Variants in ATP8B1 observed in about 807,000 individuals in gnomAD.
The protein encoded by ATP8B1 is phospholipid-transporting ATPase IC.
ATP8B1 carries 80 observed loss-of-function variants against 149.9 expected under a neutral mutation model. That is an observed-to-expected ratio of 0.53 (90% confidence interval 0.45 to 0.64). The LOEUF (loss-of-function observed/expected upper bound fraction) is 0.64, where lower values mean the gene tolerates loss of function less well. Ranked by LOEUF, ATP8B1 falls within the 30% of genes least tolerant of loss-of-function variation. ATP8B1 has a pLI of 0.00. For synonymous variants in ATP8B1, 536 were observed against 562.8 expected (o/e 0.95, Z 0.67); for missense variants, 1,247 against 1,552.6 (o/e 0.80, Z 3.31).
At chr18:57,725,251 T>TTA (rs141319829) in intron 2 of ATP8B1, among the ~76,000 whole-genome samples, 1 of 144,678 alleles carries the variant, frequency 6.9e-6, no homozygotes, top group Non-Finnish European at 1.5e-5. Flanking sequence ...TAAAGTATAA[T>TTA]AAAAAAAAAA....
chr18:57,723,193 C>G (rs1314901036), intron 2 of ATP8B1, among the ~76,000 whole-genome samples: 5 of 145,960 alleles, frequency 3.4e-5, no homozygotes. Context: ...TGGCACAAGT[C>G]AGGGATGCCC....
intron 13 of ATP8B1, among the ~76,000 whole-genome samples, chr18:57,685,945 A>G (rs947907989): frequency 6.6e-6 from 1 of 150,502 alleles, no homozygotes; most frequent in Non-Finnish European, 1.5e-5. Flanking sequence ...AAACAAAAAC[A>G]AAACCAAAAA....
chr18:57,766,789 T>C (rs2080214920), intron 1 of ATP8B1, among the ~76,000 whole-genome samples: 1 of 152,184 alleles, frequency 6.6e-6, no homozygotes, highest in Admixed American at 6.5e-5. Context: ...TCAAGTGTGC[T>C]GTGATGGGAA....
intron 1 of ATP8B1, among the ~76,000 whole-genome samples, chr18:57,770,941 G>C (rs2080258489): frequency 6.6e-6 from 1 of 152,224 alleles, no homozygotes; most frequent in Admixed American, 6.5e-5. Context: ...TCGGCTCACT[G>C]CAACTTCTGC....
At chr18:57,712,236 G>GACTGA (rs1159522900) in intron 2 of ATP8B1, among the ~76,000 whole-genome samples, 2 of 151,996 alleles carry the variant, frequency 1.3e-5, no homozygotes, top group Non-Finnish European at 1.5e-5. Context: ...GCTGAAAAAG[G>GACTGA]ACTGAAGAGG....
intron 1 of ATP8B1, among the ~76,000 whole-genome samples, chr18:57,778,222 CT>C (rs200469930): frequency 3.2e-5 from 3 of 94,986 alleles, no homozygotes; most frequent in African/African-American, 1.3e-4. Flanking sequence ...GTTTCTTTTT[CT>C]TTTTCTTTTT....
intron 8 of ATP8B1, among the ~76,000 whole-genome samples, chr18:57,696,547 C>CAAA (rs10639684): frequency 1.2e-3 from 168 of 145,658 alleles, no homozygotes; most frequent in Admixed American, 1.8e-3. Flanking sequence ...TTTTTTCCGC[C>CAAA]AAAAAAAAAA....
At chr18:57,672,213 A>G (rs1911250138) in intron 16 of ATP8B1, among the ~76,000 whole-genome samples, 1 of 152,158 alleles carries the variant, frequency 6.6e-6, no homozygotes. Flanking sequence ...CTTTTTCTCC[A>G]TCCAACCAAC....
chr18:57,669,759 C>T (rs1911118616), intron 17 of ATP8B1, among the ~76,000 whole-genome samples: 1 of 152,138 alleles, frequency 6.6e-6, no homozygotes, highest in African/African-American at 2.4e-5. Flanking sequence ...AAGCCATCCT[C>T]TCACCTCAGC....
At chr18:57,800,713 C>T (rs951039517) in intron 1 of ATP8B1, among the ~76,000 whole-genome samples, 7 of 152,144 alleles carry the variant, frequency 4.6e-5, no homozygotes, top group Non-Finnish European at 8.8e-5. Flanking sequence ...AATATCTTTT[C>T]CCCTCAACAG....
chr18:57,791,374 A>C (rs1361672287), intron 1 of ATP8B1, among the ~76,000 whole-genome samples: 2 of 108,712 alleles, frequency 1.8e-5, no homozygotes, highest in African/African-American at 4.7e-5. Flanking sequence ...TTTTTGAGGC[A>C]GAGTTTCACT....
intron 13 of ATP8B1, among the ~76,000 whole-genome samples, chr18:57,685,673 T>TGTAA (rs1460396972): frequency 3.3e-5 from 5 of 152,148 alleles, no homozygotes; most frequent in Non-Finnish European, 5.9e-5. Context: ...GGCTCACACC[T>TGTAA]GTAATCCCAG....
Position 57,738,698 on chromosome 18 carries a change from C to T in ATP8B1, c.-25-6866G>A, listed in dbSNP as rs140861735. Among the ~76,000 whole-genome samples the T allele has an allele frequency of 6.9e-3, 1,040 of 151,598 alleles. 6 individuals are homozygous for T. Among genetic ancestry groups the T allele is most frequent in the African/African-American group, 0.022 (898 of 41,400 alleles). The stretch of plus-strand genomic sequence containing the variant: ...AAGCCAGTCGTTTTTGCCTCAAATA[C>T]TCCTCCAATTCATCACCTCCTCTCT... On this transcript the variant is annotated intron_variant, in intron 1 of 27. Coordinates refer to ENST00000648908, the MANE Select transcript of ATP8B1 (RefSeq NM_001374385.1).
In ATP8B1 at chr18:57,672,908, AT is replaced by A. The variant is rs1568189227; in HGVS notation, c.1820-1329del. ...AAAGTATATATATATATATATATAT[AT>A]ATATATATATATATATATATATAAC... On this transcript the variant is annotated intron_variant, in intron 16 of 27. Transcript: ENST00000648908. Among the ~76,000 whole-genome samples, 28 of 74,356 alleles carry A rather than the reference AT, an allele frequency of 3.8e-4. 1 individual carries two copies. The highest frequency in any genetic ancestry group is 1.1e-3 in the East Asian group (2 of 1,838). 48.8% of individuals were successfully genotyped at this position (74,356 alleles called of 152,430 possible). A position where few individuals can be genotyped will look rare whatever the true frequency, so the allele number is the denominator to read the frequency against.
At position 57,716,955 on chromosome 18, in the gene ATP8B1, T is replaced by C. The variant is rs1012010751; in HGVS notation, c.182-10368A>G. ...ACGAGTCTTAAAACATTCAAATAAA[T>C]TGAAATAATATCAAACATCTGACTG... On this transcript the variant is annotated intron_variant, in intron 2 of 27. Transcript: ENST00000648908. 2.1e-5 allele frequency among the ~76,000 whole-genome samples: 3 copies of C among 144,686 alleles called. No individual in the cohort carries two copies. The Admixed American group carries it at 2.1e-4, about 10-fold the overall frequency. The allele number at this position is 144,686 out of a possible 152,430, so 94.9% of individuals were successfully genotyped here. A position where few individuals can be genotyped will look rare whatever the true frequency, so the allele number is the denominator to read the frequency against.
Position 57,648,553 on chromosome 18 carries a change from G to A in ATP8B1, c.3691C>T (p.Arg1231Cys). ...GCCACGATGGCATCAAGCGGCGAGC[G>A]CTTCTTGCGGATGCTGCGCCCGGAG... ...ISSGRSIRKK[R>C]SPLDAIVADG... The change falls in exon 28 of 28, where the codon CGC (arginine) becomes TGC (cysteine). Residue 1231 changes from arginine (R) to cysteine (C), a missense_variant. Coordinates refer to ENST00000648908, the MANE Select transcript of ATP8B1 (RefSeq NM_001374385.1). 7 of 1,611,550 alleles carry A rather than the reference G, an allele frequency of 4.3e-6. No homozygotes were observed. The highest frequency in any genetic ancestry group is 1.3e-5 in the African/African-American group (1 of 74,996).
intron 23 of ATP8B1, 122 bp downstream of exon 23, chr18:57,655,072 T>A: frequency 1.1e-6 from 1 of 875,842 alleles, no homozygotes; most frequent in Non-Finnish European, 1.8e-6. Context: ...ATGCCCCAAC[T>A]GTAAGGAGAC....
At chr18:57,683,380 T>A (rs319461) in intron 15 of ATP8B1, among the ~76,000 whole-genome samples, 56,595 of 152,090 alleles carry the variant, frequency 0.37, 11,111 homozygotes, top group East Asian at 0.66. Context: ...TATCATTATG[T>A]CCATTTGTGA....
chr18:57,648,882 G>GTGTGTGTGTGTGTGTGTATGTGTA (rs61181992), intron 27 of ATP8B1, among the ~76,000 whole-genome samples, 170 bp from the exon 28 acceptor site: 22 of 134,738 alleles, frequency 1.6e-4, no homozygotes, highest in African/African-American at 5.7e-4. Flanking sequence ...GTGTGTGTGT[G>GTGTGTGTGTGTGTGTGTATGTGTA]TGTGTATGTG....
Sources: gnomAD v4.1 joint callset for allele counts (sites outside exome capture counted in the v4.1 genomes callset) on GRCh38, gnomAD v4.1.1 for gene constraint, MANE v1.5 for transcripts, NCBI Gene and HGNC (gene_info 2026-07-23, HGNC 2026-07-21) for gene names.